RUNX1: variants seen among roughly 807,000 people sequenced by gnomAD.
RUNX1 encodes runt-related transcription factor 1.
A neutral mutation model predicts 42.8 loss-of-function variants in RUNX1; 19 were observed. That is an observed-to-expected ratio of 0.44 (90% CI 0.31 to 0.65). The LOEUF is 0.65. Among genes scored for constraint, RUNX1 ranks in the 30% least tolerant of loss-of-function variants. The pLI, the probability that RUNX1 is intolerant of heterozygous loss-of-function variation, is 0.07. For synonymous variants in RUNX1, 271 were observed against 289.4 expected (o/e 0.94, Z 0.64); for missense variants, 528 against 672.0 (o/e 0.79, Z 2.37).
At position 34,972,071 on chromosome 21, in the gene RUNX1, TC is replaced by T. The variant is rs377446384; in HGVS notation, c.58+76770del. ...TTCAAGTTTACATGGCATTTTTATA[TC>T]CACTACCCAAATCTTTCTGTAGTTC... On this transcript the variant is annotated intron_variant, in intron 2 of 8. Transcript: ENST00000675419. Among the ~76,000 whole-genome samples, 648 of 152,338 alleles carry T rather than the reference TC, an allele frequency of 4.3e-3. 5 individuals are homozygous for T. The highest frequency in any genetic ancestry group is 0.015 in the African/African-American group (626 of 41,572).
chr21:34,831,155 A>C (rs1601409266), intron 7 of RUNX1, among the ~76,000 whole-genome samples: 1 of 152,218 alleles, frequency 6.6e-6, no homozygotes, highest in Non-Finnish European at 1.5e-5. Flanking sequence ...GTAGAAGTTA[A>C]TGATGGTGTC....
At chr21:34,872,446 G>T (rs929608551) in intron 5 of RUNX1, among the ~76,000 whole-genome samples, 1 of 152,218 alleles carries the variant, frequency 6.6e-6, no homozygotes, top group African/African-American at 2.4e-5. Context: ...AGTGGCGCCA[G>T]GGGGATGGTG....
chr21:34,789,667 AT>A lies in RUNX1; in HGVS notation c.*2467del, dbSNP rs200050352. ...CTATCGCCAAAACAACTACAGTTTG[AT>A]TTTTTTTGAAACAATTAAATACTAT... On this transcript the variant is annotated 3_prime_UTR_variant, in exon 9 of 9. Coordinates refer to ENST00000675419, the MANE Select transcript of RUNX1 (RefSeq NM_001754.5). 1 of 233,076 alleles carries A rather than the reference AT, an allele frequency of 4.3e-6. No individual in the cohort carries two copies. 14.4% of individuals were successfully genotyped at this position (233,076 alleles called of 1,614,324 possible).
At chr21:34,912,364 T>A (rs1351000989) in intron 2 of RUNX1, among the ~76,000 whole-genome samples, 2 of 151,942 alleles carry the variant, frequency 1.3e-5, no homozygotes, top group Non-Finnish European at 2.9e-5. Flanking sequence ...CTCTCTGTTT[T>A]GCGATACTCT....
chr21:34,922,312 GC>G (rs1159213462), intron 2 of RUNX1, among the ~76,000 whole-genome samples: 1 of 152,122 alleles, frequency 6.6e-6, no homozygotes, highest in Non-Finnish European at 1.5e-5. Flanking sequence ...GAAGAGAAAT[GC>G]ATGCAATGTA....
rs971810281 is a variant in RUNX1 at position 35,029,876 on chromosome 21, C to T, written c.58+18966G>A. On this transcript the variant is annotated intron_variant, in intron 2 of 8. Transcript: ENST00000675419. ...ACGAGGTTGGATTTGTCAACCTTGT[C>T]ACGATCACATTTCTGTTCTGCGCAT... Among the ~76,000 whole-genome samples, 10 of 152,322 alleles carry T rather than the reference C, an allele frequency of 6.6e-5. No homozygotes were observed. The South Asian group carries it at 1.9e-3, about 28-fold the overall frequency.
chr21:34,847,363 CTT>C (rs965528970), intron 6 of RUNX1, among the ~76,000 whole-genome samples: 1 of 151,994 alleles, frequency 6.6e-6, no homozygotes, highest in African/African-American at 2.4e-5. Flanking sequence ...AATTTTTTCT[CTT>C]TAATTTCTTC....
chr21:34,799,460 T>C lies in RUNX1; in HGVS notation c.808A>G (p.Thr270Ala), dbSNP rs2145910164. 6.2e-7 allele frequency: 1 copy of C among 1,614,046 alleles called. No homozygotes were observed. Among genetic ancestry groups the C allele is most frequent in the Non-Finnish European group, 8.5e-7 (1 of 1,179,886 alleles). ...GGTGGGGATGGTTGGATCTGCCTTGTATCTGAAGAGAATCAGAAAGGTCAA... is the reference window on the plus strand; with the variant it reads ...GGTGGGGATGGTTGGATCTGCCTTGCATCTGAAGAGAATCAGAAAGGTCAA... ...NPQPQSQMQD[T>A]RQIQPSPPWS... Residue 270 changes from threonine (T) to alanine (A), a missense_variant and splice_region_variant, in exon 8 of 9, where the codon ACA becomes GCA. Coordinates refer to ENST00000675419, the MANE Select transcript of RUNX1 (RefSeq NM_001754.5).
At chr21:35,049,062 GC>G (rs751369705) in intron 1 of RUNX1, 104 bp from the exon 2 acceptor site, 12 of 659,406 alleles carry the variant, frequency 1.8e-5, no homozygotes, top group Non-Finnish European at 2.7e-5. Context: ...GACTCCCCAA[GC>G]CCTATTAAAA....
intron 2 of RUNX1, among the ~76,000 whole-genome samples, chr21:34,962,715 A>G (rs1159293188): frequency 6.6e-6 from 1 of 152,240 alleles, no homozygotes; most frequent in African/African-American, 2.4e-5. Flanking sequence ...GTTCACAGAC[A>G]TACGCATTCG....
chr21:34,806,825 A>G (rs544189706), intron 7 of RUNX1, among the ~76,000 whole-genome samples: 46 of 152,320 alleles, frequency 3.0e-4, no homozygotes, highest in Middle Eastern at 6.8e-3. Flanking sequence ...GATAACTGGA[A>G]AATCTCCAAA....
chr21:34,937,428 C>T (rs1035215784), intron 2 of RUNX1, among the ~76,000 whole-genome samples: 1 of 151,044 alleles, frequency 6.6e-6, no homozygotes, highest in African/African-American at 2.4e-5. Flanking sequence ...ATAAGTTAAT[C>T]GATGAAGTTT....
At chr21:34,898,453 G>T (rs772185794) in intron 2 of RUNX1, among the ~76,000 whole-genome samples, 12 of 152,244 alleles carry the variant, frequency 7.9e-5, no homozygotes, top group Non-Finnish European at 1.3e-4. Flanking sequence ...TATTTCTGGA[G>T]CTCAGTAGCA....
At chr21:34,958,491 C>G (rs1306400846) in intron 2 of RUNX1, among the ~76,000 whole-genome samples, 2 of 152,148 alleles carry the variant, frequency 1.3e-5, no homozygotes, top group Non-Finnish European at 2.9e-5. Flanking sequence ...AAATCAAAAC[C>G]ACAGTGAGAT....
At chr21:34,992,715 G>A (rs1003374246) in intron 2 of RUNX1, among the ~76,000 whole-genome samples, 3 of 151,914 alleles carry the variant, frequency 2.0e-5, no homozygotes, top group Non-Finnish European at 4.4e-5. Context: ...CCAAGAAATG[G>A]GATGGCGATG....
intron 8 of RUNX1, among the ~76,000 whole-genome samples, chr21:34,794,880 G>A (rs2056503821): frequency 6.6e-6 from 1 of 152,162 alleles, no homozygotes; most frequent in Non-Finnish European, 1.5e-5. Context: ...CGCCCCTCTT[G>A]TGACAACTCA....
In RUNX1 at chr21:34,878,182, AAAG is replaced by A. The variant is rs965056549; in HGVS notation, c.508+2372_508+2374del. Among the ~76,000 whole-genome samples the A allele has an allele frequency of 1.6e-3, 245 of 150,448 alleles. 2 individuals carry two copies. The highest frequency in any genetic ancestry group is 1.5e-3 in the South Asian group (7 of 4,784). ...GGAAGCAAATTGCAAAAAAAAAAAA[AAAG>A]AAGAAGAAGGAAAAAGAAAGAAAAA... On this transcript the variant is annotated intron_variant, in intron 5 of 8. Coordinates refer to ENST00000675419, the MANE Select transcript of RUNX1 (RefSeq NM_001754.5).
At chr21:35,040,036 T>A (rs1258965442) in intron 2 of RUNX1, among the ~76,000 whole-genome samples, 1 of 152,250 alleles carries the variant, frequency 6.6e-6, no homozygotes, top group Non-Finnish European at 1.5e-5. Context: ...GGAGGACTAC[T>A]TTTTCTCCTC....
At chr21:34,980,912 C>T (rs1390093008) in intron 2 of RUNX1, among the ~76,000 whole-genome samples, 1 of 152,212 alleles carries the variant, frequency 6.6e-6, no homozygotes, top group Non-Finnish European at 1.5e-5. Context: ...CCAGAAATAG[C>T]TTGAGGTTAC....
Sources: allele counts gnomAD v4.1 joint callset (sites outside exome capture counted in the v4.1 genomes callset), GRCh38; gene constraint gnomAD v4.1.1; transcripts MANE v1.5; gene names NCBI Gene and HGNC (gene_info 2026-07-23, HGNC 2026-07-21).